The following GREM2 variants were observed in gnomAD, a reference collection of about 807,000 sequenced individuals.
GREM2 encodes gremlin-2.
GREM2 carries 11 observed loss-of-function variants against 14.2 expected under a neutral mutation model. The observed-to-expected ratio is 0.78, with a 90% confidence interval of 0.49 to 1.28. GREM2 has a LOEUF of 1.28. GREM2 is among the 50% of genes most tolerant of loss of function. The probability of loss-of-function intolerance (pLI) is 0.00; values close to 1 mark genes in which losing one functional copy is unlikely to be tolerated. For synonymous variants in GREM2, 98 were observed against 97.6 expected (o/e 1.00, Z -0.02); for missense variants, 210 against 218.5 (o/e 0.96, Z 0.24).
intron 1 of GREM2, among the ~76,000 whole-genome samples, chr1:240,580,973 G>T (rs370073562): frequency 6.6e-6 from 1 of 152,126 alleles, no homozygotes; most frequent in Admixed American, 6.5e-5. Context: ...AAACTCAGCC[G>T]CGCCAGTGGC....
chr1:240,532,656 G>T (rs199754655), intron 1 of GREM2, among the ~76,000 whole-genome samples: 58 of 81,392 alleles, frequency 7.1e-4, no homozygotes, highest in African/African-American at 2.9e-3. Flanking sequence ...TAGATAGATA[G>T]ATAGATAGAT....
At chr1:240,573,076 A>G (rs1679289686) in intron 1 of GREM2, among the ~76,000 whole-genome samples, 1 of 152,210 alleles carries the variant, frequency 6.6e-6, no homozygotes. Flanking sequence ...AGTGAGAGCA[A>G]AAAGTACTCA....
At chr1:240,578,053 T>TG (rs1204561532) in intron 1 of GREM2, among the ~76,000 whole-genome samples, 4 of 152,102 alleles carry the variant, frequency 2.6e-5, no homozygotes, top group African/African-American at 9.7e-5. Flanking sequence ...ATTACTGTTT[T>TG]TTGTTGTTGT....
At chr1:240,564,034 A>G (rs1282593069) in intron 1 of GREM2, among the ~76,000 whole-genome samples, 1 of 152,004 alleles carries the variant, frequency 6.6e-6, no homozygotes, top group Non-Finnish European at 1.5e-5. Flanking sequence ...ATATAGTGAG[A>G]CCCTACCTCT....
intron 1 of GREM2, among the ~76,000 whole-genome samples, chr1:240,580,840 T>C (rs1679469536): frequency 1.3e-5 from 2 of 152,250 alleles, no homozygotes; most frequent in Admixed American, 1.3e-4. Context: ...CCCCAGGTGC[T>C]GGGATTACAG....
At chr1:240,534,521 C>T (rs537504862) in intron 1 of GREM2, among the ~76,000 whole-genome samples, 1 of 151,916 alleles carries the variant, frequency 6.6e-6, no homozygotes, top group East Asian at 2.0e-4. Flanking sequence ...AACCCTGTCT[C>T]TACTAAAAAT....
chr1:240,566,266 C>A (rs1213755395), intron 1 of GREM2, among the ~76,000 whole-genome samples: 3 of 152,170 alleles, frequency 2.0e-5, no homozygotes, highest in Non-Finnish European at 4.4e-5. Context: ...TTGCCTGAAA[C>A]AGTTAAAACC....
chr1:240,560,667 A>G (rs1679020563), intron 1 of GREM2, among the ~76,000 whole-genome samples: 1 of 152,062 alleles, frequency 6.6e-6, no homozygotes. Flanking sequence ...TGGGTTTACT[A>G]TTTTCTTCTA....
chr1:240,570,920 ACT>A (rs1405394392), intron 1 of GREM2, among the ~76,000 whole-genome samples: 1 of 152,178 alleles, frequency 6.6e-6, no homozygotes, highest in East Asian at 1.9e-4. Context: ...ACAGAGACTG[ACT>A]CTGTGACTTA....
chr1:240,523,198 T>C (rs1450314448), intron 1 of GREM2, among the ~76,000 whole-genome samples: 1 of 152,184 alleles, frequency 6.6e-6, no homozygotes, highest in Non-Finnish European at 1.5e-5. Flanking sequence ...ATTCAAGCAA[T>C]TCTCCCGCCT....
intron 1 of GREM2, among the ~76,000 whole-genome samples, chr1:240,526,403 C>A (rs60930990): frequency 7.0e-4 from 106 of 152,312 alleles, no homozygotes; most frequent in African/African-American, 2.5e-3. Context: ...ATGCTGGTTT[C>A]TGCAGAAATC....
intron 1 of GREM2, among the ~76,000 whole-genome samples, chr1:240,516,709 T>G (rs993109669): frequency 2.7e-5 from 4 of 150,698 alleles, no homozygotes; most frequent in Admixed American, 6.6e-5. Context: ...CCTCCTGATT[T>G]GTATTATTTC....
At position 240,543,397 on chromosome 1, in the gene GREM2, G is replaced by A. The variant is rs988240984; in HGVS notation, c.-1-49921C>T. On this transcript the variant is annotated intron_variant, in intron 1 of 1. Transcript: ENST00000318160. This position sits in a 1 kb window ranked among gnomAD's most constrained non-coding sequence, Gnocchi z 6.4. ...GAAGACAAATGAGGAGCAAAATCACGTCTTACATGGTGGTAAGCAGGAGAG... is the reference window on the plus strand; with the variant it reads ...GAAGACAAATGAGGAGCAAAATCACATCTTACATGGTGGTAAGCAGGAGAG... 2.0e-5 allele frequency among the ~76,000 whole-genome samples: 3 copies of A among 152,172 alleles called. No individual in the cohort carries two copies. Among genetic ancestry groups the A allele is most frequent in the Non-Finnish European group, 2.9e-5 (2 of 68,030 alleles).
chr1:240,579,232 G>A (rs903487205), intron 1 of GREM2, among the ~76,000 whole-genome samples: 3 of 152,208 alleles, frequency 2.0e-5, no homozygotes, highest in Admixed American at 6.5e-5. Context: ...AGAAGCCATG[G>A]AAGGTTGTAA....
intron 1 of GREM2, among the ~76,000 whole-genome samples, chr1:240,527,690 T>C (rs1487362437): frequency 1.3e-5 from 2 of 152,210 alleles, no homozygotes; most frequent in Non-Finnish European, 2.9e-5. Context: ...TAAACTATAA[T>C]GTTCATGATC....
rs934223490 is a variant in GREM2, at chr1:240,491,120, G to A, written c.*1849C>T. On this transcript the variant is annotated 3_prime_UTR_variant, in exon 2 of 2. Coordinates refer to ENST00000318160, the MANE Select transcript of GREM2 (RefSeq NM_022469.4). ...CAGCACATTCTTGCTCAGGTCTCATGGTGTTGCAGAAATGACAGAAATGCA... is the reference window on the plus strand; with the variant it reads ...CAGCACATTCTTGCTCAGGTCTCATAGTGTTGCAGAAATGACAGAAATGCA... 6.6e-6 allele frequency: 1 copy of A among 152,138 alleles called. No individual in the cohort carries two copies. The highest frequency in any genetic ancestry group is 2.4e-5 in the African/African-American group (1 of 41,392). 9.4% of individuals were successfully genotyped at this position (152,138 alleles called of 1,614,324 possible).
At chr1:240,581,773 A>T (rs1679490419) in intron 1 of GREM2, among the ~76,000 whole-genome samples, 1 of 152,164 alleles carries the variant, frequency 6.6e-6, no homozygotes, top group Non-Finnish European at 1.5e-5. Flanking sequence ...GAGTTCTAAA[A>T]TAAAATTTTT....
chr1:240,555,425 G>A (rs1371622541), intron 1 of GREM2, among the ~76,000 whole-genome samples: 1 of 152,176 alleles, frequency 6.6e-6, no homozygotes, highest in East Asian at 1.9e-4. Context: ...CATTAGCTAC[G>A]ATTATTGGCA....
At chr1:240,529,149 T>C (rs970199863) in intron 1 of GREM2, among the ~76,000 whole-genome samples, 4 of 151,594 alleles carry the variant, frequency 2.6e-5, no homozygotes, top group African/African-American at 7.3e-5. Context: ...GGAAGACACA[T>C]GGATGAGCTC....
Sources: allele counts gnomAD v4.1 joint callset (sites outside exome capture counted in the v4.1 genomes callset), GRCh38; gene constraint gnomAD v4.1.1; non-coding constraint Gnocchi (gnomAD v3.1); transcripts MANE v1.5; gene names NCBI Gene and HGNC (gene_info 2026-07-23, HGNC 2026-07-21).